NRXN1: variants seen among roughly 807,000 people sequenced by gnomAD.
NRXN1 encodes the protein neurexin-1.
A neutral mutation model predicts 150.9 loss-of-function variants in NRXN1; 39 were observed. The observed-to-expected ratio is 0.26, with a 90% confidence interval of 0.20 to 0.34. NRXN1 has a LOEUF of 0.34. Ranked by LOEUF, NRXN1 falls within the 10% of genes least tolerant of loss-of-function variation. The pLI, the probability that NRXN1 is intolerant of heterozygous loss-of-function variation, is 1.00. For synonymous variants in NRXN1, 924 were observed against 757.0 expected (o/e 1.22, Z -3.62); for missense variants, 1,815 against 1,949.9 (o/e 0.93, Z 1.30).
intron 21 of NRXN1, among the ~76,000 whole-genome samples, chr2:50,051,054 T>C (rs932280548): frequency 6.6e-6 from 1 of 151,968 alleles, no homozygotes; most frequent in Admixed American, 6.6e-5. Flanking sequence ...ATTAATTAGA[T>C]CATTTACATC....
intron 17 of NRXN1, among the ~76,000 whole-genome samples, chr2:50,253,307 T>C (rs1258913088): frequency 6.6e-6 from 1 of 152,190 alleles, no homozygotes; most frequent in Non-Finnish European, 1.5e-5. Context: ...TAAGAAGATT[T>C]TGGGCTGAGA....
chr2:50,320,478 T>C (rs1211513059), intron 17 of NRXN1, among the ~76,000 whole-genome samples: 4 of 151,566 alleles, frequency 2.6e-5, no homozygotes. Context: ...ATGTTTTCAT[T>C]TCTATATGTT....
chr2:50,273,717 CTTGGTAT>C (rs2070023831), intron 17 of NRXN1, among the ~76,000 whole-genome samples: 1 of 152,026 alleles, frequency 6.6e-6, no homozygotes, highest in South Asian at 2.1e-4. Context: ...GTTAATTCCA[CTTGGTAT>C]TACTATATAA....
chr2:50,765,711 C>A (rs2105414458), intron 5 of NRXN1, among the ~76,000 whole-genome samples: 1 of 152,132 alleles, frequency 6.6e-6, no homozygotes, highest in Middle Eastern at 3.4e-3. Context: ...CAGCCATGCT[C>A]CTTCTAAGTA....
intron 5 of NRXN1, among the ~76,000 whole-genome samples, chr2:50,785,986 T>C (rs906238027): frequency 1.3e-5 from 2 of 151,962 alleles, no homozygotes; most frequent in Non-Finnish European, 2.9e-5. Flanking sequence ...CCCACCCTCC[T>C]CTGGCATCAA....
chr2:50,019,792 C>CA (rs1399311637), intron 21 of NRXN1, among the ~76,000 whole-genome samples: 7 of 148,866 alleles, frequency 4.7e-5, no homozygotes, highest in Admixed American at 1.3e-4. Flanking sequence ...TAAAAAAATA[C>CA]AAAAAATTAG....
intron 5 of NRXN1, among the ~76,000 whole-genome samples, chr2:50,789,346 T>C (rs766730752): frequency 7.9e-5 from 12 of 152,180 alleles, no homozygotes; most frequent in Admixed American, 3.3e-4. Context: ...CATAAACTCA[T>C]TGAAGCTTCA....
intron 21 of NRXN1, among the ~76,000 whole-genome samples, chr2:50,036,854 C>A (rs567766139): frequency 6.6e-6 from 1 of 152,238 alleles, no homozygotes; most frequent in Admixed American, 6.5e-5. Context: ...TCTTAGATAG[C>A]CAGTCTCTAG....
intron 18 of NRXN1, 127 bp downstream of exon 18, chr2:50,236,662 T>C: frequency 1.2e-6 from 1 of 812,926 alleles, no homozygotes; most frequent in Non-Finnish European, 2.1e-6. Flanking sequence ...CTAGATTGTA[T>C]TCATATTTCC....
chr2:50,021,176 T>G (rs1573453910), intron 21 of NRXN1, among the ~76,000 whole-genome samples: 1 of 152,190 alleles, frequency 6.6e-6, no homozygotes, highest in Non-Finnish European at 1.5e-5. Context: ...ATCATCTACT[T>G]AGGTCATAAT....
At chr2:50,893,794 AATTT>A (rs200521864) in intron 5 of NRXN1, among the ~76,000 whole-genome samples, 6,146 of 152,166 alleles carry the variant, frequency 0.04, 143 homozygotes, top group Non-Finnish European at 0.056. Context: ...TTTTTTCAAC[AATTT>A]ATTAAAAACT....
At chr2:50,425,202 T>A (rs2084381554) in intron 17 of NRXN1, among the ~76,000 whole-genome samples, 1 of 152,210 alleles carries the variant, frequency 6.6e-6, no homozygotes, top group African/African-American at 2.4e-5. Flanking sequence ...TAAAACATAA[T>A]TGCTTGTATT....
At chr2:50,893,894 T>C (rs1473038660) in intron 5 of NRXN1, among the ~76,000 whole-genome samples, 1 of 152,134 alleles carries the variant, frequency 6.6e-6, no homozygotes, top group Non-Finnish European at 1.5e-5. Flanking sequence ...AGAATGATGA[T>C]TTCCAATTTC....
At chr2:50,357,842 GA>G (rs775183362) in intron 17 of NRXN1, among the ~76,000 whole-genome samples, 5 of 152,150 alleles carry the variant, frequency 3.3e-5, no homozygotes, top group Non-Finnish European at 5.9e-5. Flanking sequence ...GACCAATTCA[GA>G]AGGCAGGTGA....
At chr2:50,375,549 T>C (rs950084055) in intron 17 of NRXN1, among the ~76,000 whole-genome samples, 3 of 136,216 alleles carry the variant, frequency 2.2e-5, no homozygotes, top group African/African-American at 9.7e-5. Flanking sequence ...GGATGGCATA[T>C]CAACTGATTT....
At chr2:50,408,664 T>TGTATGTCTGTGTGTGC in intron 17 of NRXN1, among the ~76,000 whole-genome samples, 1 of 152,324 alleles carries the variant, frequency 6.6e-6, no homozygotes, top group South Asian at 2.1e-4. Context: ...TATGTGTGTG[T>TGTATGTCTGTGTGTGC]GTATGTCTGT....
chr2:50,896,473 T>C (rs767285924), intron 5 of NRXN1, among the ~76,000 whole-genome samples: 11 of 152,122 alleles, frequency 7.2e-5, no homozygotes, highest in Non-Finnish European at 8.8e-5. Flanking sequence ...GTGTGTGCTA[T>C]GGTTTTCTAA....
At chr2:50,472,057 G>GA (rs200962461) in intron 16 of NRXN1, among the ~76,000 whole-genome samples, 857 of 82,890 alleles carry the variant, frequency 0.01, 7 homozygotes, top group African/African-American at 0.037. Context: ...AGCAAAAACA[G>GA]GCAAAAAAAC....
chr2:50,679,482 C>T (rs1206434836), intron 5 of NRXN1, among the ~76,000 whole-genome samples: 2 of 152,118 alleles, frequency 1.3e-5, no homozygotes, highest in Admixed American at 6.6e-5. Flanking sequence ...AGTGTGGTTT[C>T]ATTGCTTCCA....
Sources: allele counts gnomAD v4.1 joint callset (sites outside exome capture counted in the v4.1 genomes callset), GRCh38; gene constraint gnomAD v4.1.1; transcripts MANE v1.5; gene names NCBI Gene and HGNC (gene_info 2026-07-23, HGNC 2026-07-21).